Variants in ZNF385B observed in about 807,000 individuals in gnomAD.
ZNF385B encodes zinc finger protein 385B, also known as zinc finger protein 533.
ZNF385B carries 23 observed loss-of-function variants against 39.2 expected under a neutral mutation model. The observed-to-expected ratio is 0.59, with a 90% CI of 0.42 to 0.83. The LOEUF (loss-of-function observed/expected upper bound fraction) is 0.83. ZNF385B is among the 40% of genes least tolerant of loss of function. The probability of loss-of-function intolerance (pLI) is 0.00; values close to 1 mark genes in which losing one functional copy is unlikely to be tolerated. For missense variants in ZNF385B, 552 were observed against 598.9 expected, an observed-to-expected ratio of 0.92 and a Z score of 0.82; for synonymous variants, 205 against 222.6, an observed-to-expected ratio of 0.92 and a Z score of 0.70.
chr2:179,651,319 T>C (rs1054301676), intron 3 of ZNF385B, among the ~76,000 whole-genome samples: 3 of 152,136 alleles, frequency 2.0e-5, no homozygotes, highest in Admixed American at 6.6e-5. Flanking sequence ...AAGCAGTGCA[T>C]TCATTCAATG....
At chr2:179,475,656 G>A (rs1331731274) in intron 6 of ZNF385B, among the ~76,000 whole-genome samples, 1 of 151,816 alleles carries the variant, frequency 6.6e-6, no homozygotes, top group Non-Finnish European at 1.5e-5. Context: ...GAGCCTCAAG[G>A]AAAGAGTCAG....
At chr2:179,649,069 G>T (rs1692986461) in intron 3 of ZNF385B, among the ~76,000 whole-genome samples, 2 of 152,150 alleles carry the variant, frequency 1.3e-5, no homozygotes, top group Admixed American at 6.5e-5. Context: ...ATAGGATATA[G>T]TAAAAGGAAT....
chr2:179,707,893 C>T lies in ZNF385B; in HGVS notation c.298+61610G>A, dbSNP rs541516936. Among the ~76,000 whole-genome samples, 6 of 152,300 alleles carry T rather than the reference C, an allele frequency of 3.9e-5. No homozygotes were observed. The East Asian group carries it at 1.2e-3, about 29-fold the overall frequency. The stretch of plus-strand genomic sequence containing the variant: ...ACTGGGGCAGAAGCTCAAGCCAGAA[C>T]AGTGGATCGCTAAGGAGCCTCAAGT... On this transcript the variant is annotated intron_variant, in intron 3 of 9. Coordinates refer to ENST00000410066, the MANE Select transcript of ZNF385B (RefSeq NM_152520.6).
chr2:179,555,580 T>G (rs2060853712), intron 3 of ZNF385B, among the ~76,000 whole-genome samples: 1 of 149,702 alleles, frequency 6.7e-6, no homozygotes, highest in African/African-American at 2.5e-5. Flanking sequence ...AATAAGAATA[T>G]CTTCAAATAC....
At chr2:179,464,836 T>G (rs2051804965) in intron 6 of ZNF385B, among the ~76,000 whole-genome samples, 1 of 152,200 alleles carries the variant, frequency 6.6e-6, no homozygotes, top group Non-Finnish European at 1.5e-5. Flanking sequence ...TGTGGGCTCT[T>G]TTTTGGATAA....
chr2:179,736,411 C>T (rs900631945), intron 3 of ZNF385B, among the ~76,000 whole-genome samples: 1 of 152,094 alleles, frequency 6.6e-6, no homozygotes, highest in Non-Finnish European at 1.5e-5. Flanking sequence ...CCTCCCTCAA[C>T]TCATTGGACC....
chr2:179,597,074 C>A (rs1478902904), intron 3 of ZNF385B, among the ~76,000 whole-genome samples: 1 of 152,140 alleles, frequency 6.6e-6, no homozygotes, highest in Non-Finnish European at 1.5e-5. Flanking sequence ...TTACTGAGCC[C>A]CTACCAGCAG....
At chr2:179,730,072 A>G (rs1171617272) in intron 3 of ZNF385B, among the ~76,000 whole-genome samples, 2 of 152,212 alleles carry the variant, frequency 1.3e-5, no homozygotes, top group African/African-American at 4.8e-5. Flanking sequence ...TTAGTTGTTA[A>G]TTCTAAATTG....
At chr2:179,676,021 T>G (rs62175163) in intron 3 of ZNF385B, among the ~76,000 whole-genome samples, 32,811 of 150,864 alleles carry the variant, frequency 0.22, 3,639 homozygotes, top group Admixed American at 0.26. Context: ...ACTCCTGACC[T>G]CGTGATTGGC....
chr2:179,676,840 C>T (rs892909139), intron 3 of ZNF385B, among the ~76,000 whole-genome samples: 2 of 151,958 alleles, frequency 1.3e-5, no homozygotes, highest in Non-Finnish European at 2.9e-5. Flanking sequence ...TGAGTAGAGG[C>T]CAAGGATGCT....
At chr2:179,635,708 C>A (rs1691693295) in intron 3 of ZNF385B, among the ~76,000 whole-genome samples, 1 of 151,964 alleles carries the variant, frequency 6.6e-6, no homozygotes, top group Non-Finnish European at 1.5e-5. Context: ...GCCTGCTATA[C>A]TTCTATATTA....
chr2:179,860,162 C>G (rs181140261), intron 1 of ZNF385B, among the ~76,000 whole-genome samples: 2 of 152,208 alleles, frequency 1.3e-5, no homozygotes, highest in East Asian at 3.9e-4. Context: ...CAAAGCAAAA[C>G]CAAAAGGAAA....
At chr2:179,783,156 A>G (rs1028991733) in intron 1 of ZNF385B, among the ~76,000 whole-genome samples, 9 of 152,180 alleles carry the variant, frequency 5.9e-5, no homozygotes, top group African/African-American at 1.7e-4. Context: ...GGACCAGAAT[A>G]TAGAGCCCAG....
At chr2:179,538,529 T>C (rs1041370557) in intron 4 of ZNF385B, among the ~76,000 whole-genome samples, 1 of 152,118 alleles carries the variant, frequency 6.6e-6, no homozygotes. Context: ...TAAAAAATAT[T>C]CATCAATATT....
intron 3 of ZNF385B, among the ~76,000 whole-genome samples, chr2:179,676,512 G>A (rs1187958645): frequency 2.6e-5 from 4 of 152,178 alleles, no homozygotes; most frequent in African/African-American, 7.2e-5. Flanking sequence ...GCGTGAGGCC[G>A]ACAGTATTTT....
intron 3 of ZNF385B, among the ~76,000 whole-genome samples, chr2:179,623,537 A>G (rs1690401367): frequency 6.6e-6 from 1 of 152,168 alleles, no homozygotes; most frequent in Non-Finnish European, 1.5e-5. Context: ...AACAGGGAAG[A>G]TGCCATTTTG....
chr2:179,497,572 TA>T (rs944483375), intron 5 of ZNF385B, among the ~76,000 whole-genome samples: 1 of 144,110 alleles, frequency 6.9e-6, no homozygotes, highest in African/African-American at 2.5e-5. Context: ...TACAAAAAAA[TA>T]AAAAGGAAGA....
At chr2:179,700,150 A>C (rs945491203) in intron 3 of ZNF385B, among the ~76,000 whole-genome samples, 3 of 152,194 alleles carry the variant, frequency 2.0e-5, no homozygotes, top group Admixed American at 6.5e-5. Flanking sequence ...ACCTTATGCA[A>C]ATGACTTTCC....
chr2:179,833,552 C>T (rs188152620), intron 1 of ZNF385B, among the ~76,000 whole-genome samples: 3 of 152,180 alleles, frequency 2.0e-5, no homozygotes, highest in African/African-American at 4.8e-5. Context: ...ACCCCTTATG[C>T]CGTTTGATAA....
Sources: gnomAD v4.1 joint callset for allele counts (sites outside exome capture counted in the v4.1 genomes callset) on GRCh38, gnomAD v4.1.1 for gene constraint, MANE v1.5 for transcripts, NCBI Gene and HGNC (gene_info 2026-07-23, HGNC 2026-07-21) for gene names.